Variants in CREB3L1 observed in about 807,000 individuals in gnomAD.
The protein encoded by CREB3L1 is cAMP responsive element binding protein 3 like 1, also known as cyclic AMP-responsive element-binding protein 3-like protein 1.
Under a neutral mutation model 54.5 loss-of-function variants are expected in CREB3L1, and 33 were observed. The observed-to-expected ratio is 0.61, with a 90% CI of 0.46 to 0.81. The LOEUF is 0.81. CREB3L1 is among the 30% of genes least tolerant of loss of function. The pLI is 0.00. For synonymous variants in CREB3L1, 284 were observed against 286.4 expected (o/e 0.99, Z 0.08); for missense variants, 656 against 673.3 (o/e 0.97, Z 0.29).
chr11:46,286,222 G>A (rs1268374626), intron 1 of CREB3L1, among the ~76,000 whole-genome samples: 1 of 151,476 alleles, frequency 6.6e-6, no homozygotes, highest in African/African-American at 2.4e-5. Flanking sequence ...GTAGGGTGGG[G>A]ACGATAGAGG....
chr11:46,309,921 G>A, intron 3 of CREB3L1, 68 bp from the exon 4 acceptor site: 3 of 1,290,656 alleles, frequency 2.3e-6, no homozygotes, highest in Non-Finnish European at 3.3e-6. Flanking sequence ...TAGGGAGGAG[G>A]TGGGTAGATG....
At chr11:46,304,146 G>A (rs751662763) in intron 2 of CREB3L1, among the ~76,000 whole-genome samples, 1 of 152,178 alleles carries the variant, frequency 6.6e-6, no homozygotes, top group Non-Finnish European at 1.5e-5. Context: ...GAGAACAATG[G>A]TGCCTGCCCC....
intron 8 of CREB3L1, among the ~76,000 whole-genome samples, chr11:46,314,515 C>A (rs1402631471): frequency 6.6e-6 from 1 of 151,702 alleles, no homozygotes; most frequent in African/African-American, 2.4e-5. Flanking sequence ...TAGCTAGGAC[C>A]ACAGGCGCAC....
At chr11:46,305,746 AT>A (rs34152812) in intron 2 of CREB3L1, among the ~76,000 whole-genome samples, 15 of 129,286 alleles carry the variant, frequency 1.2e-4, no homozygotes, top group African/African-American at 4.1e-4. Context: ...ATATATATAT[AT>A]TTTTTTTTAA....
chr11:46,311,475 A>G (rs986770483), intron 5 of CREB3L1, among the ~76,000 whole-genome samples: 1 of 151,178 alleles, frequency 6.6e-6, no homozygotes, highest in Non-Finnish European at 1.5e-5. Context: ...CTGGAATTAC[A>G]GGCACTTGCC....
chr11:46,292,562 C>T (rs1043411785), intron 1 of CREB3L1, among the ~76,000 whole-genome samples: 18 of 152,172 alleles, frequency 1.2e-4, no homozygotes, highest in African/African-American at 4.1e-4. Context: ...AGCCATGATT[C>T]ACTGATGATG....
intron 1 of CREB3L1, among the ~76,000 whole-genome samples, chr11:46,279,003 C>G (rs2136331642): frequency 6.6e-6 from 1 of 152,350 alleles, no homozygotes; most frequent in African/African-American, 2.4e-5. Context: ...CCCTCCCTCT[C>G]TCAGGCTCAG....
intron 1 of CREB3L1, among the ~76,000 whole-genome samples, chr11:46,281,314 G>A (rs1202041599): frequency 6.6e-6 from 1 of 152,204 alleles, no homozygotes; most frequent in Non-Finnish European, 1.5e-5. Flanking sequence ...CAAGAACTGG[G>A]ATAAAGGACC....
intron 5 of CREB3L1, among the ~76,000 whole-genome samples, chr11:46,311,636 A>G (rs907618550): frequency 6.6e-6 from 1 of 151,848 alleles, no homozygotes; most frequent in Non-Finnish European, 1.5e-5. Flanking sequence ...AGTAGCTGGT[A>G]TTACAGGTGC....
rs796726505 is a variant in CREB3L1, at chr11:46,280,183, GT to G, written c.102+1976del. 4.3e-3 allele frequency among the ~76,000 whole-genome samples: 602 copies of G among 138,910 alleles called. 5 individuals are homozygous for G. The highest frequency in any genetic ancestry group is 0.015 in the African/African-American group (572 of 36,910). 91.1% of individuals were successfully genotyped at this position (138,910 alleles called of 152,430 possible). A position where few individuals can be genotyped will look rare whatever the true frequency, so the allele number is the denominator to read the frequency against. On this transcript the variant is annotated intron_variant, in intron 1 of 11. Coordinates refer to ENST00000621158, the MANE Select transcript of CREB3L1 (RefSeq NM_052854.4). ...CTTTTCTTTTCTTGTTTTTTTTTTTGTTTTTTGTTTTTTGTTTTTTTTCAGA... is the reference window on the plus strand; with the variant it reads ...CTTTTCTTTTCTTGTTTTTTTTTTTGTTTTTGTTTTTTGTTTTTTTTCAGA...
chr11:46,310,224 C>T (rs1031424080), intron 4 of CREB3L1, among the ~76,000 whole-genome samples, 157 bp downstream of exon 4: 1 of 151,992 alleles, frequency 6.6e-6, no homozygotes, highest in Non-Finnish European at 1.5e-5. Flanking sequence ...CATCCATGCC[C>T]ACTCTTCGTC....
At chr11:46,290,807 G>A (rs893785707) in intron 1 of CREB3L1, among the ~76,000 whole-genome samples, 8 of 152,098 alleles carry the variant, frequency 5.3e-5, no homozygotes, top group Non-Finnish European at 7.4e-5. Flanking sequence ...GGGGAGGCAA[G>A]GAAGGTGGTA....
chr11:46,320,714 C>T lies in CREB3L1; in HGVS notation c.1528C>T (p.Leu510=). The T allele has an allele frequency of 6.2e-7, 1 of 1,612,060 alleles. No individual in the cohort carries two copies. Among genetic ancestry groups the T allele is most frequent in the Middle Eastern group, 1.7e-4 (1 of 6,060 alleles). Residue 510 remains leucine (L), a synonymous_variant, in exon 12 of 12, where the codon CTG becomes TTG. Coordinates refer to ENST00000621158, the MANE Select transcript of CREB3L1 (RefSeq NM_052854.4). ...HSKEWFHDRD[L]GPNTTIKLS ...TGGCCTCTCTTCTCTCTCCAGGGAT[C>T]TGGGCCCCAACACCACCATCAAACT...
chr11:46,278,176 T>C lies in CREB3L1; in HGVS notation c.65T>C (p.Leu22Ser), dbSNP rs1307429486. Reference sequence around the variant, plus strand: ...TTCCCCGGATCCAGCTTCCTGGACTTGGGGGATCTGAACGAGTCGGACTTC... The same window carrying C: ...TTCCCCGGATCCAGCTTCCTGGACTCGGGGGATCTGAACGAGTCGGACTTC... ...RLFPGSSFLD[L>S]GDLNESDFLN... Residue 22 changes from leucine to serine, a missense_variant, in exon 1 of 12, where the codon TTG becomes TCG. This residue lies in a region of CREB3L1 where 339 missense variants were observed against 331.5 expected (regional missense o/e 1.02). Transcript: ENST00000621158. The surrounding 1 kb of genome is among the most constrained non-coding windows in gnomAD (Gnocchi z 4.2). 2 of 1,577,728 alleles carry C rather than the reference T, an allele frequency of 1.3e-6. No individual in the cohort carries two copies. The highest frequency in any genetic ancestry group is 1.7e-6 in the Non-Finnish European group (2 of 1,161,920).
chr11:46,318,316 G>A (rs1411365475), intron 10 of CREB3L1, among the ~76,000 whole-genome samples: 2 of 152,224 alleles, frequency 1.3e-5, no homozygotes, highest in Non-Finnish European at 2.9e-5. Flanking sequence ...AAGGGTAGCG[G>A]TGGTGTGGGT....
At chr11:46,318,443 T>G (rs186568367) in intron 10 of CREB3L1, among the ~76,000 whole-genome samples, 2 of 152,342 alleles carry the variant, frequency 1.3e-5, no homozygotes, top group Admixed American at 1.3e-4. Flanking sequence ...GCATGTGTCT[T>G]AAGCTTTCAT....
chr11:46,286,843 G>T (rs1939062248), intron 1 of CREB3L1, among the ~76,000 whole-genome samples: 1 of 152,122 alleles, frequency 6.6e-6, no homozygotes, highest in Non-Finnish European at 1.5e-5. Flanking sequence ...GAAAGAAAAA[G>T]AAAAGAAAAC....
intron 9 of CREB3L1, among the ~76,000 whole-genome samples, chr11:46,316,785 C>G (rs1009021526): frequency 6.6e-6 from 1 of 152,196 alleles, no homozygotes; most frequent in African/African-American, 2.4e-5. Flanking sequence ...CCTGGAAACC[C>G]GGAAGGCTCC....
In CREB3L1 at chr11:46,312,439, G is replaced by A. The variant is rs747977876; in HGVS notation, c.868G>A (p.Ala290Thr). 1.2e-5 allele frequency: 19 copies of A among 1,613,736 alleles called. No homozygotes were observed. Among genetic ancestry groups the A allele is most frequent in the Non-Finnish European group, 1.6e-5 (19 of 1,179,870 alleles). Residue 290 changes from alanine to threonine, a missense_variant, in exon 6 of 12, where the codon GCC (alanine) becomes ACC (threonine). Around this residue, in one of 3 missense-constraint regions of CREB3L1, gnomAD observed 77 missense variants for 122.0 expected, o/e 0.63. Transcript: ENST00000621158. ...CCCCCTCACCAAAGCCGAGGAGAAGGCCTTGAAGAGAGTCCGGAGGAAAAT... is the reference window on the plus strand; with the variant it reads ...CCCCCTCACCAAAGCCGAGGAGAAGACCTTGAAGAGAGTCCGGAGGAAAAT... Reference protein sequence around the residue: ...KLPLTKAEEKALKRVRRKIKN... With the variant: ...KLPLTKAEEKTLKRVRRKIKN...
Sources: allele counts gnomAD v4.1 joint callset (sites outside exome capture counted in the v4.1 genomes callset), GRCh38; gene constraint gnomAD v4.1.1; regional missense constraint gnomAD v4.1.1; non-coding constraint Gnocchi (gnomAD v3.1); transcripts MANE v1.5; gene names NCBI Gene and HGNC (gene_info 2026-07-23, HGNC 2026-07-21).